GSK3B: variants seen among roughly 807,000 people sequenced by gnomAD.
GSK3B encodes glycogen synthase kinase-3 beta.
GSK3B carries 15 observed loss-of-function variants against 56.4 expected under a neutral mutation model. The observed-to-expected ratio is 0.27, with a 90% confidence interval of 0.18 to 0.41. The LOEUF (loss-of-function observed/expected upper bound fraction) is 0.41. Among genes scored for constraint, GSK3B ranks in the 10% least tolerant of loss-of-function variants. The pLI, the probability that GSK3B is intolerant of heterozygous loss-of-function variation, is 1.00. For synonymous variants in GSK3B, 181 were observed against 188.9 expected (o/e 0.96, Z 0.34); for missense variants, 300 against 513.4 (o/e 0.58, Z 4.02).
Position 119,884,810 on chromosome 3 carries a change from T to TA in GSK3B, c.814-8303dup, listed in dbSNP as rs565201556. On this transcript the variant is annotated intron_variant, in intron 7 of 10. Transcript: ENST00000264235. ...AAGTTAAATAGACTTTTTGGCAACT[T>TA]AAAAAAAACCCTGATTTAAATAAAA... Among the ~76,000 whole-genome samples, 9 of 151,774 alleles carry TA rather than the reference T, an allele frequency of 5.9e-5. No individual in the cohort carries two copies. The South Asian group carries it at 1.3e-3, about 21-fold the overall frequency.
intron 2 of GSK3B, among the ~76,000 whole-genome samples, chr3:119,986,674 C>G (rs571862957): frequency 6.6e-6 from 1 of 152,248 alleles, no homozygotes; most frequent in East Asian, 1.9e-4. Context: ...GTTAAAAAGT[C>G]AGGAAACAAC....
At chr3:120,005,762 A>G (rs1432584230) in intron 1 of GSK3B, among the ~76,000 whole-genome samples, 5 of 152,206 alleles carry the variant, frequency 3.3e-5, no homozygotes, top group African/African-American at 4.8e-5. Flanking sequence ...GCCTTACAAG[A>G]GCTCCTGAAG....
Position 119,822,691 on chromosome 3 carries a change from A to G in GSK3B, c.*4097T>C. ...TCAGTGGCTCAGGTTTCTACCAGAAAAGACAGATTTTATTGTAAAGCATAC... is the reference window on the plus strand; with the variant it reads ...TCAGTGGCTCAGGTTTCTACCAGAAGAGACAGATTTTATTGTAAAGCATAC... On this transcript the variant is annotated 3_prime_UTR_variant, in exon 11 of 11. Coordinates refer to ENST00000264235, the MANE Select transcript of GSK3B (RefSeq NM_001146156.2). The G allele has an allele frequency of 4.4e-6, 1 of 228,956 alleles. No homozygotes were observed. Among genetic ancestry groups the G allele is most frequent in the Non-Finnish European group, 8.7e-6 (1 of 115,446 alleles). 14.2% of individuals were successfully genotyped at this position (228,956 alleles called of 1,614,324 possible).
At chr3:119,964,285 A>C (rs552617826) in intron 2 of GSK3B, among the ~76,000 whole-genome samples, 1 of 152,336 alleles carries the variant, frequency 6.6e-6, no homozygotes, top group South Asian at 2.1e-4. Context: ...AAACATCCAA[A>C]AGAATTGCAA....
At chr3:120,041,645 CT>C (rs1268040827) in intron 1 of GSK3B, 2 of 152,614 alleles carry the variant, frequency 1.3e-5, no homozygotes, top group African/African-American at 4.8e-5. Context: ...CAGGAGGTTT[CT>C]TAACAAGAGT....
intron 1 of GSK3B, among the ~76,000 whole-genome samples, chr3:120,091,564 A>C (rs1256352018): frequency 6.6e-6 from 1 of 152,210 alleles, no homozygotes; most frequent in African/African-American, 2.4e-5. Context: ...TAAAGCTAAT[A>C]AATCAATTAG....
At chr3:119,844,281 A>T (rs2055823101) in intron 9 of GSK3B, among the ~76,000 whole-genome samples, 1 of 152,116 alleles carries the variant, frequency 6.6e-6, no homozygotes, top group Admixed American at 6.5e-5. Flanking sequence ...GAGAAGCAAG[A>T]GCAAACACAT....
chr3:119,922,139 A>C lies in GSK3B; in HGVS notation c.477+1234T>G, dbSNP rs192129361. On this transcript the variant is annotated intron_variant, in intron 4 of 10. Coordinates refer to ENST00000264235, the MANE Select transcript of GSK3B (RefSeq NM_001146156.2). The stretch of plus-strand genomic sequence containing the variant: ...GCAACAGAGTGAAATGAAGGAAGGA[A>C]GGAAGGAAGGAGGTAGGTAGGTAAG... Among the ~76,000 whole-genome samples, 471 of 150,556 alleles carry C rather than the reference A, an allele frequency of 3.1e-3. 3 individuals carry two copies. Among genetic ancestry groups the C allele is most frequent in the African/African-American group, 0.01 (416 of 40,916 alleles).
intron 1 of GSK3B, chr3:120,041,139 C>T (rs1006850641): frequency 1.2e-5 from 2 of 165,664 alleles, no homozygotes; most frequent in Non-Finnish European, 1.3e-5. Flanking sequence ...AAGGGTGGCT[C>T]TGCAAAACAT....
intron 3 of GSK3B, among the ~76,000 whole-genome samples, chr3:119,935,778 A>G (rs933566490): frequency 6.6e-6 from 1 of 152,208 alleles, no homozygotes; most frequent in African/African-American, 2.4e-5. Context: ...CTAAAACCAA[A>G]GACATGACAA....
At chr3:120,000,918 C>CTTTTTTTTTT (rs71156781) in intron 2 of GSK3B, among the ~76,000 whole-genome samples, 4 of 91,056 alleles carry the variant, frequency 4.4e-5, no homozygotes, top group Non-Finnish European at 6.2e-5. Context: ...ATGTAATCTC[C>CTTTTTTTTTT]TTTTTTTTTT....
At chr3:119,880,612 G>A (rs575448765) in intron 7 of GSK3B, among the ~76,000 whole-genome samples, 6 of 152,250 alleles carry the variant, frequency 3.9e-5, no homozygotes, top group Non-Finnish European at 7.4e-5. Context: ...AATCAAAAAG[G>A]AATCTAGTTA....
At chr3:119,970,806 CA>C (rs140430600) in intron 2 of GSK3B, among the ~76,000 whole-genome samples, 1 of 149,858 alleles carries the variant, frequency 6.7e-6, no homozygotes, top group African/African-American at 2.5e-5. Context: ...AACAAACAAA[CA>C]AAAAAAACAA....
In GSK3B at chr3:119,877,707, A is replaced by G. The variant is rs562989071; in HGVS notation, c.814-1199T>C. On this transcript the variant is annotated intron_variant, in intron 7 of 10. Coordinates refer to ENST00000264235, the MANE Select transcript of GSK3B (RefSeq NM_001146156.2). ...AGAGATTTCCTGCTACCATAAACTT[A>G]CATATTTGTATGTCAAAAAAGTATA... is the stretch of plus-strand genomic sequence containing the variant. Among the ~76,000 whole-genome samples the G allele has an allele frequency of 2.9e-3, 443 of 152,320 alleles. 7 individuals are homozygous for G. In the South Asian group the frequency reaches 0.034, roughly 12 times the overall value.
At chr3:119,924,950 C>T (rs1400471605) in intron 3 of GSK3B, among the ~76,000 whole-genome samples, 1 of 152,192 alleles carries the variant, frequency 6.6e-6, no homozygotes. Flanking sequence ...TCTGCCCAGT[C>T]CATGTCTACG....
intron 1 of GSK3B, among the ~76,000 whole-genome samples, chr3:120,077,165 T>C (rs1254724645): frequency 1.3e-5 from 2 of 152,148 alleles, no homozygotes; most frequent in Non-Finnish European, 2.9e-5. Context: ...TAATTATTCT[T>C]TGGGTATATA....
At chr3:120,018,517 GT>G (rs2057846125) in intron 1 of GSK3B, among the ~76,000 whole-genome samples, 1 of 152,122 alleles carries the variant, frequency 6.6e-6, no homozygotes, top group African/African-American at 2.4e-5. Context: ...TAACACTACA[GT>G]TTAGACTGTG....
Position 119,912,747 on chromosome 3 carries a change from T to A in GSK3B, c.672A>T (p.Ala224=), listed in dbSNP as rs946666090. 2.5e-6 allele frequency: 4 copies of A among 1,596,948 alleles called. No individual in the cohort carries two copies. The African/African-American group carries it at 5.4e-5, about 21-fold the overall frequency. The change falls in exon 6 of 11, where the codon GCA becomes GCT. Residue 224 remains alanine, a synonymous_variant. Coordinates refer to ENST00000264235, the MANE Select transcript of GSK3B (RefSeq NM_001146156.2). ...CAGTGGCTCCAAAGATCAACTCTGGTGCCCTATAGTACCGAGAACAGATAT... is the reference window on the plus strand; with the variant it reads ...CAGTGGCTCCAAAGATCAACTCTGGAGCCCTATAGTACCGAGAACAGATAT... ...VSYICSRYYR[A]PELIFGATDY... is the part of the protein sequence containing the mutation.
intron 1 of GSK3B, among the ~76,000 whole-genome samples, chr3:120,026,600 C>G (rs1489599812): frequency 6.6e-6 from 1 of 150,946 alleles, no homozygotes; most frequent in African/African-American, 2.4e-5. Flanking sequence ...GAGTCTCACT[C>G]TGTTGCCCAG....
Sources: gnomAD v4.1 joint callset for allele counts (sites outside exome capture counted in the v4.1 genomes callset) on GRCh38, gnomAD v4.1.1 for gene constraint, MANE v1.5 for transcripts, NCBI Gene and HGNC (gene_info 2026-07-23, HGNC 2026-07-21) for gene names.